EPS8L2: variants seen among roughly 807,000 people sequenced by gnomAD.
EPS8L2 encodes EPS8 signaling adaptor L2, also known as epidermal growth factor receptor kinase substrate 8-like protein 2.
In EPS8L2, 81 loss-of-function variants were observed where a neutral mutation model predicts 99.4. The observed-to-expected ratio is 0.82, with a 90% CI of 0.68 to 0.98. The LOEUF is 0.98. EPS8L2 is among the 50% of genes least tolerant of loss of function. EPS8L2 has a pLI of 0.00. For missense variants in EPS8L2, 1,155 were observed against 968.8 expected, an observed-to-expected ratio of 1.19 and a Z score of -2.55; for synonymous variants, 509 against 407.3, an observed-to-expected ratio of 1.25 and a Z score of -3.01.
intron 4 of EPS8L2, among the ~76,000 whole-genome samples, chr11:714,783 T>C (rs916466140): frequency 4.6e-5 from 7 of 152,032 alleles, no homozygotes; most frequent in African/African-American, 1.7e-4. Flanking sequence ...TTTTCCTGTG[T>C]TGAGGGACTG....
rs531464243 is a variant in EPS8L2 at position 719,846 on chromosome 11, C to T, written c.166-216C>T. 1.2e-3 allele frequency among the ~76,000 whole-genome samples: 178 copies of T among 152,170 alleles called. 1 individual carries two copies. The highest frequency in any genetic ancestry group is 4.1e-3 in the African/African-American group (171 of 41,526). On this transcript the variant is annotated intron_variant, in intron 4 of 20. Transcript: ENST00000318562. The stretch of plus-strand genomic sequence containing the variant: ...GCGGGGCCGGGCAGCAGTTGGAATT[C>T]CTTTGAGGATAGTTTCAGGACACAA...
chr11:720,768 C>A, intron 6 of EPS8L2, 22 bp downstream of exon 6: 2 of 1,526,758 alleles, frequency 1.3e-6, no homozygotes, highest in Non-Finnish European at 1.8e-6. Flanking sequence ...CCGGGCGGGG[C>A]AGGGTGGGGC....
intron 7 of EPS8L2, 69 bp downstream of exon 7, chr11:720,978 G>GCCGGCGGGGGAGGGGAGGAGC: frequency 1.8e-6 from 2 of 1,097,670 alleles, no homozygotes; most frequent in Non-Finnish European, 2.5e-6. Flanking sequence ...GAGGGGAGGA[G>GCCGGCGGGGGAGGGGAGGAGC]CCGGCAGGGG....
chr11:710,565 CAAAAA>C, intron 4 of EPS8L2, 79 bp downstream of exon 4: 1 of 1,306,994 alleles, frequency 7.7e-7, no homozygotes, highest in Middle Eastern at 1.8e-4. Flanking sequence ...CTCGTCTCCA[CAAAAA>C]ATAAAATAAT....
intron 5 of EPS8L2, 33 bp downstream of exon 5, chr11:720,256 C>T (rs758245945): frequency 3.7e-6 from 6 of 1,609,522 alleles, no homozygotes; most frequent in Non-Finnish European, 5.1e-6. Context: ...ACAGGGAGCA[C>T]AGTGGGTAGA....
At chr11:711,546 C>T (rs1861890996) in intron 4 of EPS8L2, among the ~76,000 whole-genome samples, 1 of 151,960 alleles carries the variant, frequency 6.6e-6, no homozygotes, top group African/African-American at 2.4e-5. Flanking sequence ...GGAAGTCTCC[C>T]TATGTTGCCC....
At position 725,821 on chromosome 11, in the gene EPS8L2, G is replaced by A. The variant is rs780391325; in HGVS notation, c.1654G>A (p.Glu552Lys). The change falls in exon 17 of 21, where the codon GAG becomes AAG. Residue 552 changes from glutamate to lysine, a missense_variant. Physicochemically the swap from Glu to Lys is moderately conservative, Grantham distance 56. Coordinates refer to ENST00000318562, the MANE Select transcript of EPS8L2 (RefSeq NM_022772.4). ...CAACATCCTAGGCGAGGCGCGACCG[G>A]AGGACGCCGGCGCCCCGTTCGAGCA... The part of the protein sequence containing the change: ...PCNILGEARP[E>K]DAGAPFEQAG... 31 of 1,387,634 alleles carry A rather than the reference G, an allele frequency of 2.2e-5. No homozygotes were observed. The highest frequency in any genetic ancestry group is 2.8e-5 in the Non-Finnish European group (30 of 1,076,258). 86.0% of individuals were successfully genotyped at this position (1,387,634 alleles called of 1,614,324 possible). A position where few individuals can be genotyped will look rare whatever the true frequency, so the allele number is the denominator to read the frequency against.
At position 727,538 on chromosome 11, in the gene EPS8L2, A is replaced by C. The variant is rs572820624; in HGVS notation, c.*557A>C. On this transcript the variant is annotated 3_prime_UTR_variant, in exon 21 of 21. Transcript: ENST00000318562. ...ACGCAGGGGACACCGTGCCGGCTTC[A>C]GACACTCCCAGCGCCCACTCTTACA... 6.5e-6 allele frequency: 1 copy of C among 153,446 alleles called. No individual in the cohort carries two copies. The highest frequency in any genetic ancestry group is 1.9e-4 in the East Asian group (1 of 5,190). 9.5% of individuals were successfully genotyped at this position (153,446 alleles called of 1,614,324 possible). A position where few individuals can be genotyped will look rare whatever the true frequency, so the allele number is the denominator to read the frequency against.
Position 722,766 on chromosome 11 carries a change from C to T in EPS8L2, c.1302C>T (p.Pro434=), listed in dbSNP as rs746699057. 2 of 1,601,648 alleles carry T rather than the reference C, an allele frequency of 1.2e-6. No individual in the cohort carries two copies. Among genetic ancestry groups the T allele is most frequent in the South Asian group, 1.1e-5 (1 of 89,518 alleles). Residue 434 remains proline, a synonymous_variant, in exon 14 of 21, where the codon CCC becomes CCT. Transcript: ENST00000318562. ...CTGTGGATGTGCTGCAGGAGGCCCC[C>T]TGGGAGGTGGAGGGGCTGGCGTCTG... ...EPPVDVLQEA[P]WEVEGLASAP...
intron 4 of EPS8L2, among the ~76,000 whole-genome samples, chr11:719,152 A>G (rs1211970779): frequency 6.6e-6 from 1 of 151,166 alleles, no homozygotes; most frequent in Non-Finnish European, 1.5e-5. Flanking sequence ...TTTTTAGTAG[A>G]GACAGGGTTT....
chr11:721,618 GA>G lies in EPS8L2; in HGVS notation c.824del (p.Lys275ArgfsTer9). 1 of 1,573,022 alleles carries G rather than the reference GA, an allele frequency of 6.4e-7. No homozygotes were observed. Among genetic ancestry groups the G allele is most frequent in the Non-Finnish European group, 8.6e-7 (1 of 1,165,206 alleles). Reference sequence around the variant, plus strand: ...TCGAGTGGTTTGTGGCCCGGCTGCAGAAGGCAGCCGAGGCTTTCAAGCAGCT... The same window carrying G: ...TCGAGTGGTTTGTGGCCCGGCTGCAGAGGCAGCCGAGGCTTTCAAGCAGCT... ...DIEWFVARLQ[K>X]AAEAFKQLNQ... On this transcript the variant is annotated frameshift_variant, in exon 10 of 21. Coordinates refer to ENST00000318562, the MANE Select transcript of EPS8L2 (RefSeq NM_022772.4). LOFTEE classifies it high-confidence loss of function.
In EPS8L2 at chr11:727,332, A is replaced by C. The variant is rs1460494998; in HGVS notation, c.*351A>C. On this transcript the variant is annotated 3_prime_UTR_variant, in exon 21 of 21. Coordinates refer to ENST00000318562, the MANE Select transcript of EPS8L2 (RefSeq NM_022772.4). ...CTGTGATGCTCCCCCATCCCCACCC[A>C]CTTCTACATCCATCCACACCCCAGG... 1.0e-5 allele frequency: 2 copies of C among 195,102 alleles called. No homozygotes were observed. Among genetic ancestry groups the C allele is most frequent in the African/African-American group, 2.4e-5 (1 of 42,216 alleles). 12.1% of individuals were successfully genotyped at this position (195,102 alleles called of 1,614,324 possible). A position where few individuals can be genotyped will look rare whatever the true frequency, so the allele number is the denominator to read the frequency against.
intron 4 of EPS8L2, among the ~76,000 whole-genome samples, chr11:711,748 C>T (rs1361412966): frequency 6.6e-6 from 1 of 152,040 alleles, no homozygotes; most frequent in Non-Finnish European, 1.5e-5. Context: ...CTTTGGGAGG[C>T]TGAGGTGAGT....
intron 16 of EPS8L2, among the ~76,000 whole-genome samples, 178 bp from the exon 17 acceptor site, chr11:725,550 G>C (rs954488147): frequency 5.9e-5 from 9 of 152,242 alleles, no homozygotes; most frequent in African/African-American, 2.2e-4. Flanking sequence ...GAGGCAGGGT[G>C]GGGGAGGAGC....
chr11:722,044 G>A (rs1351934241), intron 11 of EPS8L2, 47 bp from the exon 12 acceptor site: 10 of 1,607,208 alleles, frequency 6.2e-6, no homozygotes, highest in Non-Finnish European at 8.5e-6. Flanking sequence ...GGGGAGGGTG[G>A]AGGCCCCGCC....
At chr11:718,686 T>G (rs1227751995) in intron 4 of EPS8L2, among the ~76,000 whole-genome samples, 2 of 150,588 alleles carry the variant, frequency 1.3e-5, no homozygotes, top group Admixed American at 1.3e-4. Context: ...TTTTTTTTTT[T>G]GAGATGGAGT....
chr11:712,492 G>C (rs1462057323), intron 4 of EPS8L2, among the ~76,000 whole-genome samples: 2 of 151,886 alleles, frequency 1.3e-5, no homozygotes, highest in Non-Finnish European at 2.9e-5. Context: ...TGTCGTCCAA[G>C]CCTGGGTGCG....
chr11:720,270 G>A lies in EPS8L2; in HGVS notation c.327+47G>A, dbSNP rs768563619. The A allele has an allele frequency of 5.8e-5, 92 of 1,592,772 alleles. No individual in the cohort carries two copies. In the South Asian group the frequency reaches 5.8e-4, roughly 10 times the overall value. On this transcript the variant is annotated intron_variant, in intron 5 of 20. Transcript: ENST00000318562. ...GACAGGGAGCACAGTGGGTAGAGGCGGTGGCAGCCACCGGCTGCAGCCCGG... is the reference window on the plus strand; with the variant it reads ...GACAGGGAGCACAGTGGGTAGAGGCAGTGGCAGCCACCGGCTGCAGCCCGG...
chr11:716,536 C>T (rs1303273394), intron 4 of EPS8L2, among the ~76,000 whole-genome samples: 4 of 152,206 alleles, frequency 2.6e-5, no homozygotes, highest in Admixed American at 6.5e-5. Flanking sequence ...GGATTACAGG[C>T]GTGAGCCACC....
Sources: gnomAD v4.1 joint callset for allele counts (sites outside exome capture counted in the v4.1 genomes callset) on GRCh38, gnomAD v4.1.1 for gene constraint, MANE v1.5 for transcripts, NCBI Gene and HGNC (gene_info 2026-07-23, HGNC 2026-07-21) for gene names.